The following KIAA2012 variants were observed in gnomAD, a reference collection of about 807,000 sequenced individuals.
KIAA2012 encodes uncharacterized protein KIAA2012.
In KIAA2012, 125 loss-of-function variants were observed where a neutral mutation model predicts 150.6. The observed-to-expected ratio is 0.83, with a 90% CI of 0.72 to 0.96. The LOEUF (loss-of-function observed/expected upper bound fraction) is 0.96. Ranked by LOEUF, KIAA2012 falls within the 40% of genes least tolerant of loss-of-function variation. The probability of loss-of-function intolerance (pLI) is 0.00; values close to 1 mark genes in which losing one functional copy is unlikely to be tolerated. For missense variants in KIAA2012, 1,219 were observed against 1,354.9 expected (o/e 0.90, Z 1.57); for synonymous variants, 462 against 504.7 (o/e 0.92, Z 1.13).
intron 13 of KIAA2012, among the ~76,000 whole-genome samples, chr2:202,149,299 G>A (rs1691373084): frequency 6.6e-6 from 1 of 152,222 alleles, no homozygotes; most frequent in African/African-American, 2.4e-5. Flanking sequence ...CTCACAGGAG[G>A]CGACAAATGC....
intron 15 of KIAA2012, among the ~76,000 whole-genome samples, chr2:202,167,776 C>T (rs1691802614): frequency 6.6e-6 from 1 of 151,718 alleles, no homozygotes; most frequent in Admixed American, 6.6e-5. Context: ...CCCAGGAGTT[C>T]AAGGCTGCAG....
chr2:202,171,127 A>T (rs1691878752), intron 15 of KIAA2012, among the ~76,000 whole-genome samples: 1 of 151,276 alleles, frequency 6.6e-6, no homozygotes, highest in Non-Finnish European at 1.5e-5. Context: ...ACACACACAC[A>T]CACACACACA....
chr2:202,103,116 T>C lies in KIAA2012; in HGVS notation c.1324+2T>C. 6 of 1,550,226 alleles carry C rather than the reference T, an allele frequency of 3.9e-6. No homozygotes were observed. Among genetic ancestry groups the C allele is most frequent in the Non-Finnish European group, 5.2e-6 (6 of 1,146,958 alleles). On this transcript the variant is annotated splice_donor_variant, in intron 8 of 23. Transcript: ENST00000498697. LOFTEE classifies it high-confidence loss of function. ...CAAAAGAGAAAGCCCACAGAAGAGG[T>C]AGGTCCCGGGTGCATGGGCACTCCT...
intron 3 of KIAA2012, among the ~76,000 whole-genome samples, chr2:202,091,392 A>T (rs1575005309): frequency 6.6e-6 from 1 of 152,046 alleles, no homozygotes; most frequent in Admixed American, 6.5e-5. Flanking sequence ...ATTCCTTAGT[A>T]CCCCATCTGA....
intron 15 of KIAA2012, among the ~76,000 whole-genome samples, chr2:202,172,305 G>A (rs1691910424): frequency 6.6e-6 from 1 of 152,266 alleles, no homozygotes; most frequent in Non-Finnish European, 1.5e-5. Context: ...AAGTGGAGAA[G>A]CTGAGAGATG....
rs142256634 is a variant in KIAA2012, at chr2:202,174,023, C to T, written c.2119+8667C>T. On this transcript the variant is annotated intron_variant, in intron 15 of 23. Coordinates refer to ENST00000498697, the MANE Select transcript of KIAA2012 (RefSeq NM_001277372.4). Reference sequence around the variant, plus strand: ...TCTTGTCGCCCAGACTGGAGTGCAACGGCACGATCTCGGCTCACTGCAACC... The same window carrying T: ...TCTTGTCGCCCAGACTGGAGTGCAATGGCACGATCTCGGCTCACTGCAACC... Among the ~76,000 whole-genome samples, 1,086 of 152,106 alleles carry T rather than the reference C, an allele frequency of 7.1e-3. 9 individuals carry two copies. The highest frequency in any genetic ancestry group is 0.031 in the Middle Eastern group (9 of 294).
At chr2:202,087,176 T>C (rs1689592376) in intron 2 of KIAA2012, among the ~76,000 whole-genome samples, 1 of 152,154 alleles carries the variant, frequency 6.6e-6, no homozygotes, top group Admixed American at 6.6e-5. Context: ...AGAGACCATA[T>C]GGCCTGCAAA....
intron 12 of KIAA2012, among the ~76,000 whole-genome samples, chr2:202,129,400 A>G (rs1487340261): frequency 1.3e-5 from 2 of 151,938 alleles, no homozygotes; most frequent in Non-Finnish European, 2.9e-5. Flanking sequence ...TTGTAATTTT[A>G]GTAGAGATAG....
chr2:202,165,933 C>T (rs556992787), intron 15 of KIAA2012, among the ~76,000 whole-genome samples: 1 of 152,198 alleles, frequency 6.6e-6, no homozygotes, highest in Non-Finnish European at 1.5e-5. Flanking sequence ...AGCTTCTAAG[C>T]AGATTTCTGT....
intron 12 of KIAA2012, 63 bp from the exon 13 acceptor site, chr2:202,138,368 TA>T: frequency 8.4e-7 from 1 of 1,189,894 alleles, no homozygotes; most frequent in Non-Finnish European, 1.2e-6. Context: ...ATGGTATATA[TA>T]AAAAGTCATG....
At chr2:202,081,543 CT>C (rs71025274) in intron 2 of KIAA2012, among the ~76,000 whole-genome samples, 42,132 of 112,652 alleles carry the variant, frequency 0.37, 6,372 homozygotes, top group Non-Finnish European at 0.46. Flanking sequence ...TTTTTAAACA[CT>C]TTTTTTTTTT....
At chr2:202,082,601 A>ACG (rs199731380) in intron 2 of KIAA2012, among the ~76,000 whole-genome samples, 1 of 49,938 alleles carries the variant, frequency 2.0e-5, no homozygotes, top group Non-Finnish European at 4.3e-5. Context: ...GTCTTTAAAA[A>ACG]AAAAAAAAAG....
intron 14 of KIAA2012, among the ~76,000 whole-genome samples, chr2:202,159,508 T>A (rs757404443): frequency 6.6e-6 from 1 of 152,148 alleles, no homozygotes; most frequent in Admixed American, 6.5e-5. Context: ...TTGTGATGCT[T>A]CTGAGACTCC....
At chr2:202,105,114 TAAAG>T (rs759817242) in intron 8 of KIAA2012, among the ~76,000 whole-genome samples, 1 of 98,316 alleles carries the variant, frequency 1.0e-5, no homozygotes, top group Non-Finnish European at 2.3e-5. Context: ...TAAGCAAAAA[TAAAG>T]AAAAGGAAAG....
chr2:202,163,549 C>A (rs1234434796), intron 14 of KIAA2012, among the ~76,000 whole-genome samples: 2 of 152,188 alleles, frequency 1.3e-5, no homozygotes, highest in African/African-American at 4.8e-5. Context: ...CCCTGAGTTT[C>A]TCTATCTCCC....
rs576692221 is a variant in KIAA2012, at chr2:202,148,324, T to G, written c.1909-6349T>G. ...CATGTTTGCTAGCTGTTCGGCTAATTTGCTAAACACTCAGGAGGATGTCAA... is the reference window on the plus strand; with the variant it reads ...CATGTTTGCTAGCTGTTCGGCTAATGTGCTAAACACTCAGGAGGATGTCAA... On this transcript the variant is annotated intron_variant, in intron 13 of 23. Coordinates refer to ENST00000498697, the MANE Select transcript of KIAA2012 (RefSeq NM_001277372.4). Among the ~76,000 whole-genome samples the G allele has an allele frequency of 7.2e-5, 11 of 152,256 alleles. No individual in the cohort carries two copies. In the South Asian group the frequency reaches 2.3e-3, roughly 32 times the overall value.
chr2:202,125,679 C>T, intron 12 of KIAA2012: 1 of 345,880 alleles, frequency 2.9e-6, no homozygotes, highest in South Asian at 2.3e-5. Flanking sequence ...AGGAGCCGAT[C>T]TGGGAAAGAC....
rs74267817 is a variant in KIAA2012 at position 202,126,716 on chromosome 2, T to C, written c.1831+1434T>C. On this transcript the variant is annotated intron_variant, in intron 12 of 23. Transcript: ENST00000498697. ...CAAACATCATGCTGAGTGCTTTGCA[T>C]TCATTATTTCATTTCATCCCTACAG... Among the ~76,000 whole-genome samples the C allele has an allele frequency of 1.1e-3, 172 of 152,240 alleles. 1 individual carries two copies. The East Asian group carries it at 0.029, about 26-fold the overall frequency.
At chr2:202,084,409 A>G (rs1265471161) in intron 2 of KIAA2012, among the ~76,000 whole-genome samples, 3 of 152,238 alleles carry the variant, frequency 2.0e-5, no homozygotes, top group Non-Finnish European at 4.4e-5. Context: ...ATGCCTCTGC[A>G]TTCAGAGACC....
Sources: allele counts gnomAD v4.1 joint callset (sites outside exome capture counted in the v4.1 genomes callset), GRCh38; gene constraint gnomAD v4.1.1; transcripts MANE v1.5; gene names NCBI Gene and HGNC (gene_info 2026-07-23, HGNC 2026-07-21).